SMAD9: variants seen among roughly 807,000 people sequenced by gnomAD.
The protein encoded by SMAD9 is MAD homolog 9.
In SMAD9, 36 loss-of-function variants were observed where a neutral mutation model predicts 46.1. The observed-to-expected ratio is 0.78, with a 90% confidence interval of 0.60 to 1.03. SMAD9 has a LOEUF of 1.03. Among genes scored for constraint, SMAD9 ranks in the 50% least tolerant of loss-of-function variants. The probability of loss-of-function intolerance (pLI) is 0.00; values close to 1 mark genes in which losing one functional copy is unlikely to be tolerated. For missense variants in SMAD9, 572 were observed against 599.8 expected (o/e 0.95, Z 0.48); for synonymous variants, 245 against 237.1 (o/e 1.03, Z -0.31).
chr13:36,847,075 T>C lies in SMAD9; in HGVS notation c.*1601A>G, dbSNP rs2058042453. 1 of 152,220 alleles carries C rather than the reference T, an allele frequency of 6.6e-6. No homozygotes were observed. Among genetic ancestry groups the C allele is most frequent in the South Asian group, 2.1e-4 (1 of 4,832 alleles). 9.4% of individuals were successfully genotyped at this position (152,220 alleles called of 1,614,324 possible). On this transcript the variant is annotated 3_prime_UTR_variant, in exon 7 of 7. Transcript: ENST00000379826. Reference sequence around the variant, plus strand: ...TTTCAATGTAAAATGTAATAATTCTTTTCTATGTGTATATATGAAAGTTTC... The same window carrying C: ...TTTCAATGTAAAATGTAATAATTCTCTTCTATGTGTATATATGAAAGTTTC...
intron 3 of SMAD9, among the ~76,000 whole-genome samples, chr13:36,868,511 G>C (rs1489744162): frequency 6.6e-6 from 1 of 152,136 alleles, no homozygotes; most frequent in Non-Finnish European, 1.5e-5. Context: ...AGGCTGAAGT[G>C]GGAGGATCAC....
rs1334824375 is a variant in SMAD9, at chr13:36,917,440, C to A, written c.-187+2676G>T. ...TTAGAATAACTTTTCAACCCACTAG[C>A]AACAGTAACCAAGGAAATATAAATC... On this transcript the variant is annotated intron_variant, in intron 1 of 6. Coordinates refer to ENST00000379826, the MANE Select transcript of SMAD9 (RefSeq NM_001127217.3). Among the ~76,000 whole-genome samples the A allele has an allele frequency of 3.3e-5, 5 of 151,556 alleles. No individual in the cohort carries two copies. The East Asian group carries it at 9.7e-4, about 29-fold the overall frequency.
chr13:36,885,707 G>A (rs2058439483), intron 1 of SMAD9, among the ~76,000 whole-genome samples: 2 of 151,716 alleles, frequency 1.3e-5, no homozygotes, highest in Non-Finnish European at 2.9e-5. Flanking sequence ...TATCTAGGGG[G>A]CCGTAGAGAG....
Position 36,872,659 on chromosome 13 carries a change from T to A in SMAD9, c.669A>T (p.Ser223=). 3 of 1,614,012 alleles carry A rather than the reference T, an allele frequency of 1.9e-6. No homozygotes were observed. The highest frequency in any genetic ancestry group is 1.7e-6 in the Non-Finnish European group (2 of 1,180,016). The change falls in exon 3 of 7, where the codon TCA becomes TCT. Residue 223 remains serine (S), a splice_region_variant and synonymous_variant. Transcript: ENST00000379826. ...PSEPESPYQH[S]VDTPPLPYHA... ...CCACAGACCATAGTTCTTACTGACC[T>A]GAGTGTTGATAGGGACTCTCTGGCT...
chr13:36,892,938 GT>G (rs2058499855), intron 1 of SMAD9, among the ~76,000 whole-genome samples: 1 of 152,116 alleles, frequency 6.6e-6, no homozygotes, highest in Admixed American at 6.6e-5. Context: ...TAGAACATAG[GT>G]AAAAATCATT....
intron 1 of SMAD9, among the ~76,000 whole-genome samples, chr13:36,900,402 T>A (rs539496515): frequency 2.2e-4 from 33 of 152,176 alleles, no homozygotes; most frequent in Non-Finnish European, 3.8e-4. Flanking sequence ...TGCCTCAGCC[T>A]CCTGAGTAGC....
rs779557889 is a variant in SMAD9, at chr13:36,853,478, C to T, written c.1201G>A (p.Gly401Ser). The change falls in exon 6 of 7, where the codon GGC (glycine) becomes AGC (serine). Residue 401 changes from glycine to serine, a missense_variant. By Grantham distance (56) the Gly-to-Ser change is moderately conservative. Coordinates refer to ENST00000379826, the MANE Select transcript of SMAD9 (RefSeq NM_001127217.3). ...GTCAGTTCATACACGACTTCAAAGCCGTGGTGAACTGACTGGGCCAGGAGC... is the reference window on the plus strand; with the variant it reads ...GTCAGTTCATACACGACTTCAAAGCTGTGGTGAACTGACTGGGCCAGGAGC... ...AQLLAQSVHH[G>S]FEVVYELTKM... is the part of the protein sequence containing the mutation. The T allele has an allele frequency of 5.0e-6, 8 of 1,613,960 alleles. No homozygotes were observed. Among genetic ancestry groups the T allele is most frequent in the East Asian group, 4.5e-5 (2 of 44,878 alleles).
chr13:36,855,854 C>T (rs1442793540), intron 5 of SMAD9, among the ~76,000 whole-genome samples: 2 of 152,310 alleles, frequency 1.3e-5, no homozygotes, highest in South Asian at 2.1e-4. Context: ...GAGCCAGGGT[C>T]GCACAGCTAA....
intron 1 of SMAD9, among the ~76,000 whole-genome samples, chr13:36,910,107 G>T (rs1451838656): frequency 6.6e-6 from 1 of 151,766 alleles, no homozygotes; most frequent in Non-Finnish European, 1.5e-5. Flanking sequence ...TGAGGCAGGA[G>T]AATGGCATGA....
chr13:36,871,380 T>C (rs1483368959), intron 3 of SMAD9, among the ~76,000 whole-genome samples: 1 of 152,190 alleles, frequency 6.6e-6, no homozygotes, highest in Non-Finnish European at 1.5e-5. Context: ...TAGCTGGGCA[T>C]GGTGGTACAC....
At chr13:36,919,699 C>T (rs768025462) in intron 1 of SMAD9, among the ~76,000 whole-genome samples, 145 of 151,756 alleles carry the variant, frequency 9.6e-4, no homozygotes, top group Non-Finnish European at 1.6e-3. Flanking sequence ...GACCGCCGCC[C>T]CCGCCGCGGG....
intron 2 of SMAD9, among the ~76,000 whole-genome samples, chr13:36,875,355 ATAAAC>A (rs2058336135): frequency 6.6e-6 from 1 of 152,256 alleles, no homozygotes; most frequent in Admixed American, 6.5e-5. Flanking sequence ...TGGACAGAAA[ATAAAC>A]TAAGAAGGGT....
At chr13:36,874,150 A>G (rs2058322873) in intron 2 of SMAD9, among the ~76,000 whole-genome samples, 1 of 152,136 alleles carries the variant, frequency 6.6e-6, no homozygotes, top group Non-Finnish European at 1.5e-5. Flanking sequence ...AAGAAAATAC[A>G]AGGGGGAAGT....
intron 1 of SMAD9, among the ~76,000 whole-genome samples, chr13:36,910,070 G>A (rs1239270543): frequency 6.6e-6 from 1 of 151,936 alleles, no homozygotes; most frequent in African/African-American, 2.4e-5. Flanking sequence ...GGTGGCGGGC[G>A]CCTGTAGTCC....
intron 1 of SMAD9, among the ~76,000 whole-genome samples, chr13:36,911,615 T>TGGGGGGGG (rs11322701): frequency 2.4e-5 from 2 of 84,332 alleles, no homozygotes; most frequent in Admixed American, 1.5e-4. Context: ...AAAGGCTGCC[T>TGGGGGGGG]GGGGGGGGGG....
At chr13:36,897,715 T>C (rs1278253411) in intron 1 of SMAD9, among the ~76,000 whole-genome samples, 6 of 152,186 alleles carry the variant, frequency 3.9e-5, no homozygotes, top group Non-Finnish European at 8.8e-5. Flanking sequence ...TCTTACTTGA[T>C]TGGGTAAAAA....
At chr13:36,884,505 AAAC>A (rs1353331963) in intron 1 of SMAD9, among the ~76,000 whole-genome samples, 1 of 152,196 alleles carries the variant, frequency 6.6e-6, no homozygotes, top group Non-Finnish European at 1.5e-5. Flanking sequence ...CTGAGTAAGA[AAAC>A]AACTTCTCAT....
chr13:36,919,561 C>A (rs577130930), intron 1 of SMAD9, among the ~76,000 whole-genome samples: 2 of 152,164 alleles, frequency 1.3e-5, no homozygotes, highest in South Asian at 2.1e-4. Context: ...AAAAGTGGCC[C>A]CCAAAGAGTC....
chr13:36,883,442 TCA>T (rs2058420443), intron 1 of SMAD9, among the ~76,000 whole-genome samples: 1 of 152,176 alleles, frequency 6.6e-6, no homozygotes. Flanking sequence ...AGGATTTAAA[TCA>T]CAGTTAAAAA....
Sources: gnomAD v4.1 joint callset for allele counts (sites outside exome capture counted in the v4.1 genomes callset) on GRCh38, gnomAD v4.1.1 for gene constraint, MANE v1.5 for transcripts, NCBI Gene and HGNC (gene_info 2026-07-23, HGNC 2026-07-21) for gene names.